The following NSMAF variants were observed in gnomAD, a reference collection of about 807,000 sequenced individuals.
NSMAF encodes the protein protein FAN.
Under a neutral mutation model 134.9 loss-of-function variants are expected in NSMAF, and 90 were observed. The observed-to-expected ratio is 0.67, with a 90% confidence interval of 0.56 to 0.79. The LOEUF (loss-of-function observed/expected upper bound fraction) is 0.79, where lower values mean the gene tolerates loss of function less well. Among genes scored for constraint, NSMAF ranks in the 30% least tolerant of loss-of-function variants. The pLI is 0.00. For synonymous variants in NSMAF, 358 were observed against 389.6 expected, an observed-to-expected ratio of 0.92 and a Z score of 0.96; for missense variants, 1,010 against 1,119.0, an observed-to-expected ratio of 0.90 and a Z score of 1.39.
chr8:58,626,091 C>CGTTTTTTTTTTTTTTTT (rs1563537415), intron 6 of NSMAF, among the ~76,000 whole-genome samples: 1 of 99,370 alleles, frequency 1.0e-5, no homozygotes. Flanking sequence ...TTATATAATT[C>CGTTTTTTTTTTTTTTTT]TTTTTTTTTT....
intron 5 of NSMAF, among the ~76,000 whole-genome samples, chr8:58,633,710 A>T (rs1563539891): frequency 6.6e-6 from 1 of 152,198 alleles, no homozygotes; most frequent in Non-Finnish European, 1.5e-5. Context: ...CAACAAAAAA[A>T]TTGGAAGCAA....
chr8:58,629,795 A>C (rs1807016228), intron 6 of NSMAF, among the ~76,000 whole-genome samples: 1 of 152,192 alleles, frequency 6.6e-6, no homozygotes, highest in Admixed American at 6.5e-5. Context: ...AATTAGAGAA[A>C]TTTATTGGTT....
At chr8:58,630,544 C>A (rs1444835110) in intron 6 of NSMAF, among the ~76,000 whole-genome samples, 1 of 152,066 alleles carries the variant, frequency 6.6e-6, no homozygotes, top group Non-Finnish European at 1.5e-5. Context: ...CCCCCAAAGG[C>A]TTTTGTCAAT....
intron 6 of NSMAF, 108 bp downstream of exon 6, chr8:58,631,388 A>C: frequency 1.7e-6 from 1 of 580,260 alleles, no homozygotes; most frequent in Non-Finnish European, 2.9e-6. Context: ...GAAGCTTTTA[A>C]ATACTCATTA....
intron 6 of NSMAF, 87 bp from the exon 7 acceptor site, chr8:58,623,867 C>G: frequency 6.7e-6 from 7 of 1,048,064 alleles, no homozygotes; most frequent in Non-Finnish European, 1.0e-5. Flanking sequence ...ACAGAACCTG[C>G]TATGATAAAA....
chr8:58,592,605 C>T (rs754521979), intron 23 of NSMAF, among the ~76,000 whole-genome samples: 4 of 152,040 alleles, frequency 2.6e-5, no homozygotes, highest in Admixed American at 6.6e-5. Flanking sequence ...TAAACTCTCT[C>T]GGCCGGGCGT....
intron 21 of NSMAF, chr8:58,595,973 C>T (rs1174946251): frequency 4.7e-6 from 1 of 210,724 alleles, no homozygotes; most frequent in African/African-American, 2.3e-5. Flanking sequence ...TCCTTGTCAA[C>T]ATTGTTTCAA....
intron 2 of NSMAF, chr8:58,640,095 G>A (rs1563542406): frequency 2.2e-6 from 1 of 455,520 alleles, no homozygotes; most frequent in Non-Finnish European, 4.4e-6. Context: ...CATTATCCAG[G>A]ATAAGTTCTG....
intron 9 of NSMAF, among the ~76,000 whole-genome samples, chr8:58,611,027 T>C (rs960967888): frequency 6.6e-6 from 1 of 152,206 alleles, no homozygotes; most frequent in African/African-American, 2.4e-5. Context: ...AAGAGGTGGC[T>C]TGACCACTTC....
intron 13 of NSMAF, among the ~76,000 whole-genome samples, 159 bp downstream of exon 13, chr8:58,603,050 GA>G (rs2129141382): frequency 6.6e-6 from 1 of 152,260 alleles, no homozygotes; most frequent in South Asian, 2.1e-4. Flanking sequence ...TAGTATCCTG[GA>G]ATGGAAATTG....
Position 58,600,035 on chromosome 8 carries a change from A to G in NSMAF, c.1281-14T>C. 1 of 1,607,222 alleles carries G rather than the reference A, an allele frequency of 6.2e-7. No individual in the cohort carries two copies. The highest frequency in any genetic ancestry group is 8.5e-7 in the Non-Finnish European group (1 of 1,175,082). On this transcript the variant is annotated splice_polypyrimidine_tract_variant and intron_variant, in intron 16 of 30. Transcript: ENST00000038176. ...GTTTCTGCAATACTACATATGAAAA[A>G]AAAATTCACCTATTTTCAGCTAAGG...
At chr8:58,606,063 A>C (rs1563529772) in intron 11 of NSMAF, 28 bp from the exon 12 acceptor site, 1 of 1,511,912 alleles carries the variant, frequency 6.6e-7, no homozygotes, top group Non-Finnish European at 8.9e-7. Flanking sequence ...AAATAATAAA[A>C]TAAATAGCAT....
In NSMAF at chr8:58,595,669, C is replaced by G; in HGVS notation, c.1793-10G>C. 6.3e-7 allele frequency: 1 copy of G among 1,590,646 alleles called. No individual in the cohort carries two copies. The highest frequency in any genetic ancestry group is 8.6e-7 in the Non-Finnish European group (1 of 1,162,092). On this transcript the variant is annotated splice_polypyrimidine_tract_variant and intron_variant, in intron 21 of 30. Transcript: ENST00000038176. ...TCAAAAGACTCTTCACCTGGAGAGACGACATTAAATTTTTGCTAAGTCAAC... is the reference window on the plus strand; with the variant it reads ...TCAAAAGACTCTTCACCTGGAGAGAGGACATTAAATTTTTGCTAAGTCAAC...
chr8:58,623,995 T>C (rs1235845007), intron 6 of NSMAF, among the ~76,000 whole-genome samples: 1 of 152,128 alleles, frequency 6.6e-6, no homozygotes, highest in African/African-American at 2.4e-5. Flanking sequence ...TGGGTTTAGT[T>C]TGCCCTTCTT....
intron 1 of NSMAF, among the ~76,000 whole-genome samples, chr8:58,645,687 CAATT>C (rs1807431446): frequency 6.6e-6 from 1 of 152,086 alleles, no homozygotes; most frequent in African/African-American, 2.4e-5. Context: ...CAAAAGGCTA[CAATT>C]AATATCCCTA....
chr8:58,635,058 A>G (rs1275597245), intron 5 of NSMAF, 131 bp downstream of exon 5: 11 of 723,154 alleles, frequency 1.5e-5, no homozygotes, highest in Admixed American at 2.7e-5. Flanking sequence ...ATATTTCTCA[A>G]TGACTGAATT....
intron 19 of NSMAF, 43 bp from the exon 20 acceptor site, chr8:58,597,945 C>T: frequency 7.3e-7 from 1 of 1,362,078 alleles, no homozygotes; most frequent in Non-Finnish European, 1.0e-6. Flanking sequence ...TGTGCTATTT[C>T]AATGTAATAT....
Position 58,641,894 on chromosome 8 carries a change from C to A in NSMAF, c.149+1090G>T, listed in dbSNP as rs148997894. Among the ~76,000 whole-genome samples, 708 of 152,232 alleles carry A rather than the reference C, an allele frequency of 4.7e-3. 7 individuals carry two copies. Among genetic ancestry groups the A allele is most frequent in the African/African-American group, 0.016 (666 of 41,530 alleles). On this transcript the variant is annotated intron_variant, in intron 2 of 30. Transcript: ENST00000038176. Reference sequence around the variant, plus strand: ...ATAAAAACAGGTTTCAGTTTGCTACCTGTAGTTGTATTTTAATAATAAACA... The same window carrying A: ...ATAAAAACAGGTTTCAGTTTGCTACATGTAGTTGTATTTTAATAATAAACA...
rs193004791 is a variant in NSMAF, at chr8:58,599,843, C to T, written c.1360G>A (p.Val454Met). 6.6e-5 allele frequency: 106 copies of T among 1,614,158 alleles called. No individual in the cohort carries two copies. In the Admixed American group the frequency reaches 1.7e-3, roughly 27 times the overall value. ...ELIPEFYGDD[V>M]SFLVNSLKLD... ...TTCAGGCTATTGACTAGAAAGCTCA[C>T]ATCATCACCATAGAATTCTGGAATT... is the stretch of plus-strand genomic sequence containing the variant. Residue 454 changes from valine (V) to methionine (M), a missense_variant, in exon 18 of 31, where the codon GTG (valine) becomes ATG (methionine). By Grantham distance (21) the Val-to-Met change is conservative (BLOSUM62 1). Coordinates refer to ENST00000038176, the MANE Select transcript of NSMAF (RefSeq NM_003580.4).
Sources: allele counts gnomAD v4.1 joint callset (sites outside exome capture counted in the v4.1 genomes callset), GRCh38; gene constraint gnomAD v4.1.1; transcripts MANE v1.5; gene names NCBI Gene and HGNC (gene_info 2026-07-23, HGNC 2026-07-21).